Variants in FGF14 observed in about 807,000 individuals in gnomAD.
FGF14 encodes the protein fibroblast growth factor homologous factor 4.
In FGF14, 5 loss-of-function variants were observed where a neutral mutation model predicts 25.5. That is an observed-to-expected ratio of 0.20 (90% CI 0.10 to 0.41). The LOEUF is 0.41. FGF14 is among the 10% of genes least tolerant of loss of function. The pLI is 1.00. For synonymous variants in FGF14, 138 were observed against 118.3 expected (o/e 1.17, Z -1.08); for missense variants, 222 against 320.1 (o/e 0.69, Z 2.34).
At chr13:102,038,092 A>G (rs942891903) in intron 1 of FGF14, among the ~76,000 whole-genome samples, 1 of 152,176 alleles carries the variant, frequency 6.6e-6, no homozygotes, top group Non-Finnish European at 1.5e-5. Context: ...CTAGGCTGGG[A>G]TCCAAAGGAA....
At chr13:101,881,275 C>G (rs2045695591) in intron 1 of FGF14, among the ~76,000 whole-genome samples, 1 of 152,168 alleles carries the variant, frequency 6.6e-6, no homozygotes, top group African/African-American at 2.4e-5. Context: ...CTTTCCAACA[C>G]TATTTTCTAA....
chr13:101,834,623 A>C (rs571476489), intron 3 of FGF14, among the ~76,000 whole-genome samples: 1 of 152,166 alleles, frequency 6.6e-6, no homozygotes, highest in South Asian at 2.1e-4. Flanking sequence ...GAATACATTT[A>C]AATCTCCATT....
chr13:102,310,328 T>C (rs963121617), intron 1 of FGF14, among the ~76,000 whole-genome samples: 12 of 152,184 alleles, frequency 7.9e-5, no homozygotes, highest in Non-Finnish European at 1.5e-4. Flanking sequence ...AGTATATTTT[T>C]ACTGTTTGTT....
rs76775387 is a variant in FGF14 at position 101,888,955 on chromosome 13, G to A, written c.194-13659C>T. On this transcript the variant is annotated intron_variant, in intron 1 of 4. Coordinates refer to ENST00000376143, the MANE Select transcript of FGF14 (RefSeq NM_004115.4). Reference sequence around the variant, plus strand: ...TAAAGACATAATTAAGTTAAAATGAGGTCATTAGGTTGGGCCTTAGTCCAA... The same window carrying A: ...TAAAGACATAATTAAGTTAAAATGAAGTCATTAGGTTGGGCCTTAGTCCAA... Among the ~76,000 whole-genome samples the A allele has an allele frequency of 8.3e-3, 1,269 of 152,212 alleles. 15 individuals are homozygous for A. The highest frequency in any genetic ancestry group is 0.029 in the African/African-American group (1,194 of 41,534).
chr13:102,308,514 G>A (rs902647899), intron 1 of FGF14, among the ~76,000 whole-genome samples: 2 of 152,064 alleles, frequency 1.3e-5, no homozygotes, highest in Non-Finnish European at 1.5e-5. Flanking sequence ...ATGTATAAAG[G>A]GGGAAGTCTG....
chr13:101,713,434 A>G lies in FGF14; in HGVS notation c.*9397T>C, dbSNP rs1350156241. On this transcript the variant is annotated 3_prime_UTR_variant, in exon 5 of 5. Coordinates refer to ENST00000376143, the MANE Select transcript of FGF14 (RefSeq NM_004115.4). ...TTCAACTGCACATTTTTTCAACGTGATTTTGACTCAAAAAGAATACAGCCA... is the reference window on the plus strand; with the variant it reads ...TTCAACTGCACATTTTTTCAACGTGGTTTTGACTCAAAAAGAATACAGCCA... The G allele has an allele frequency of 6.6e-6, 1 of 152,172 alleles. No individual in the cohort carries two copies. Among genetic ancestry groups the G allele is most frequent in the Non-Finnish European group, 1.5e-5 (1 of 68,024 alleles). 9.4% of individuals were successfully genotyped at this position (152,172 alleles called of 1,614,324 possible).
At chr13:102,004,571 C>T (rs188259969) in intron 1 of FGF14, among the ~76,000 whole-genome samples, 28 of 152,324 alleles carry the variant, frequency 1.8e-4, no homozygotes, top group South Asian at 6.2e-4. Flanking sequence ...CCTCGATGCA[C>T]CAATGAACCT....
rs1427733514 is a variant in FGF14, at chr13:102,078,159, G to C, written c.209-202863C>G. On this transcript the variant is annotated intron_variant, in intron 1 of 4. Transcript: ENST00000376131. ...CGGGGTGGGGGCTCAGAAGATTTTG[G>C]TCAAAGGACACAAAATTTCAATTCA... 2.0e-5 allele frequency among the ~76,000 whole-genome samples: 3 copies of C among 152,178 alleles called. No individual in the cohort carries two copies. In the East Asian group the frequency reaches 5.8e-4, roughly 29 times the overall value.
chr13:101,729,384 C>G (rs561829415), intron 3 of FGF14, among the ~76,000 whole-genome samples: 12 of 152,072 alleles, frequency 7.9e-5, no homozygotes, highest in African/African-American at 2.7e-4. Context: ...CCGATAGAAC[C>G]AATGGAAGTT....
At chr13:102,168,356 T>G (rs1403120002) in intron 1 of FGF14, among the ~76,000 whole-genome samples, 1 of 152,086 alleles carries the variant, frequency 6.6e-6, no homozygotes, top group Non-Finnish European at 1.5e-5. Context: ...TTTTGTAGTT[T>G]TTTGTAGAGA....
chr13:101,887,589 T>C (rs1367135214), intron 1 of FGF14, among the ~76,000 whole-genome samples: 2 of 151,312 alleles, frequency 1.3e-5, no homozygotes, highest in African/African-American at 2.4e-5. Flanking sequence ...TGGGAAGGAG[T>C]AGGGGTAAAT....
chr13:101,940,820 C>G (rs1426411007), intron 1 of FGF14, among the ~76,000 whole-genome samples: 1 of 152,084 alleles, frequency 6.6e-6, no homozygotes, highest in African/African-American at 2.4e-5. Flanking sequence ...ATTCCCTGCT[C>G]CCAGCACAGT....
At chr13:101,901,431 C>T (rs531760419) in intron 1 of FGF14, among the ~76,000 whole-genome samples, 28 of 152,100 alleles carry the variant, frequency 1.8e-4, no homozygotes, top group South Asian at 4.2e-4. Context: ...AGATGGGATG[C>T]GGTGGCTCAT....
At chr13:102,027,787 G>A (rs1410587170) in intron 1 of FGF14, among the ~76,000 whole-genome samples, 1 of 151,942 alleles carries the variant, frequency 6.6e-6, no homozygotes, top group Non-Finnish European at 1.5e-5. Context: ...CTTGACTGGG[G>A]CTGATGGGTT....
chr13:102,082,890 G>A (rs1046385398), intron 1 of FGF14, among the ~76,000 whole-genome samples: 3 of 151,930 alleles, frequency 2.0e-5, no homozygotes, highest in Admixed American at 6.5e-5. Context: ...CCCGGGAGGC[G>A]GAGCTTGCAG....
chr13:101,906,186 C>G (rs2032220074), intron 1 of FGF14, among the ~76,000 whole-genome samples: 1 of 152,088 alleles, frequency 6.6e-6, no homozygotes. Flanking sequence ...CTTCTCTACC[C>G]CAAGTTTGGC....
rs1421689480 is a variant in FGF14 at position 102,184,759 on chromosome 13, T to A, written c.208+216712A>T. 2.0e-5 allele frequency among the ~76,000 whole-genome samples: 3 copies of A among 152,172 alleles called. No individual in the cohort carries two copies. In the East Asian group the frequency reaches 5.8e-4, roughly 29 times the overall value. On this transcript the variant is annotated intron_variant, in intron 1 of 4. Transcript: ENST00000376131. ...TTGTGGATAGGGGTATGGGTTGGTA[T>A]GAGAGTTCAGAAAGAAATTTGGTAA...
In FGF14 at chr13:101,717,974, ATT is replaced by A. The variant is rs1285544710; in HGVS notation, c.*4855_*4856del. The stretch of plus-strand genomic sequence containing the variant: ...GAAGAGTGTCAAAAATGTCCTCGGC[ATT>A]TGTTTTCTCAGAAAAAGAATTTAGA... On this transcript the variant is annotated 3_prime_UTR_variant, in exon 5 of 5. Coordinates refer to ENST00000376143, the MANE Select transcript of FGF14 (RefSeq NM_004115.4). 1 of 152,160 alleles carries A rather than the reference ATT, an allele frequency of 6.6e-6. No homozygotes were observed. Among genetic ancestry groups the A allele is most frequent in the Admixed American group, 6.5e-5 (1 of 15,272 alleles). 9.4% of individuals were successfully genotyped at this position (152,160 alleles called of 1,614,324 possible). A position where few individuals can be genotyped will look rare whatever the true frequency, so the allele number is the denominator to read the frequency against.
At chr13:101,934,063 TG>T (rs2034942943) in intron 1 of FGF14, among the ~76,000 whole-genome samples, 1 of 152,232 alleles carries the variant, frequency 6.6e-6, no homozygotes, top group Admixed American at 6.5e-5. Context: ...TTTTAAGTGA[TG>T]ACTTTTCTTC....
Sources: allele counts gnomAD v4.1 joint callset (sites outside exome capture counted in the v4.1 genomes callset), GRCh38; gene constraint gnomAD v4.1.1; transcripts MANE v1.5; gene names NCBI Gene and HGNC (gene_info 2026-07-23, HGNC 2026-07-21).